The following BICD1 variants were observed in gnomAD, a reference collection of about 807,000 sequenced individuals.
The protein encoded by BICD1 is BICD cargo adaptor 1.
A neutral mutation model predicts 92.5 loss-of-function variants in BICD1; 35 were observed. That is an observed-to-expected ratio of 0.38 (90% CI 0.29 to 0.50). BICD1 has a LOEUF of 0.50. Ranked by LOEUF, BICD1 falls within the 20% of genes least tolerant of loss-of-function variation. BICD1 has a pLI of 0.93. For missense variants in BICD1, 950 were observed against 1,189.8 expected (o/e 0.80, Z 2.97); for synonymous variants, 429 against 465.1 (o/e 0.92, Z 1.00).
At chr12:32,280,130 A>G (rs1165218149) in intron 2 of BICD1, among the ~76,000 whole-genome samples, 3 of 151,958 alleles carry the variant, frequency 2.0e-5, no homozygotes, top group Admixed American at 6.6e-5. Context: ...ATAAAGTGAA[A>G]ATTATGCAGT....
At chr12:32,236,825 T>C (rs1946085627) in intron 2 of BICD1, among the ~76,000 whole-genome samples, 2 of 149,562 alleles carry the variant, frequency 1.3e-5, no homozygotes, top group African/African-American at 4.9e-5. Flanking sequence ...TGGTTCTAGA[T>C]AGAAGATCAA....
At chr12:32,227,023 G>C (rs941984692) in intron 2 of BICD1, among the ~76,000 whole-genome samples, 11 of 152,202 alleles carry the variant, frequency 7.2e-5, no homozygotes, top group African/African-American at 2.7e-4. Flanking sequence ...ACACAGCTCA[G>C]GAGGTTGAGT....
intron 1 of BICD1, among the ~76,000 whole-genome samples, chr12:32,204,982 G>A (rs1233104794): frequency 6.6e-6 from 1 of 152,172 alleles, no homozygotes; most frequent in South Asian, 2.1e-4. Flanking sequence ...GTATGGAAGA[G>A]GAAATAAGGG....
At chr12:32,189,150 A>G (rs916709091) in intron 1 of BICD1, among the ~76,000 whole-genome samples, 2 of 152,232 alleles carry the variant, frequency 1.3e-5, no homozygotes, top group Non-Finnish European at 2.9e-5. Context: ...AGGAAATTCA[A>G]CAATGGATCT....
In BICD1 at chr12:32,347,687, C is replaced by G. The variant is rs117995416; in HGVS notation, c.2764+8708C>G. Among the ~76,000 whole-genome samples, 306 of 151,472 alleles carry G rather than the reference C, an allele frequency of 2.0e-3. No individual in the cohort carries two copies. In the East Asian group the frequency reaches 0.02, roughly 10 times the overall value. ...GTACCTATATACCCTTTTCATACAT[C>G]TCTTATTTGTTACTAGATCTCCTTG... On this transcript the variant is annotated intron_variant, in intron 8 of 9. Transcript: ENST00000652176.
Position 32,335,611 on chromosome 12 carries a change from C to T in BICD1, c.2252+944C>T, listed in dbSNP as rs185638126. On this transcript the variant is annotated intron_variant, in intron 6 of 9. Transcript: ENST00000652176. ...TTTTTTTTTTTTTGAGATAGGGTCT[C>T]ACTCTGTCACCCAGGCTGAAGTGCA... Among the ~76,000 whole-genome samples, 653 of 140,044 alleles carry T rather than the reference C, an allele frequency of 4.7e-3. 8 individuals are homozygous for T. The highest frequency in any genetic ancestry group is 7.7e-3 in the Non-Finnish European group (508 of 65,752). The allele number at this position is 140,044 out of a possible 152,430, so 91.9% of individuals were successfully genotyped here.
intron 1 of BICD1, among the ~76,000 whole-genome samples, chr12:32,141,720 C>T (rs1942926664): frequency 6.6e-6 from 1 of 152,126 alleles, no homozygotes; most frequent in South Asian, 2.1e-4. Context: ...ATGATCCATC[C>T]GCCTCAGCCT....
rs185395549 is a variant in BICD1, at chr12:32,331,432, A to T, written c.2100+2877A>T. On this transcript the variant is annotated intron_variant, in intron 5 of 9. Coordinates refer to ENST00000652176, the MANE Select transcript of BICD1 (RefSeq NM_001714.4). ...TTATTTTCACTGTGCTTTGTGGTAC[A>T]GGTTGAGTATCCCTTTTCCGAAATG... 6.7e-4 allele frequency among the ~76,000 whole-genome samples: 102 copies of T among 152,328 alleles called. 1 individual carries two copies. The East Asian group carries it at 0.017, about 26-fold the overall frequency.
intron 1 of BICD1, chr12:32,108,921 T>C: frequency 2.3e-6 from 1 of 441,086 alleles, no homozygotes; most frequent in Non-Finnish European, 4.1e-6. Context: ...TAGGCTGACA[T>C]GTTTAAATGC....
chr12:32,277,352 C>T (rs1360191416), intron 2 of BICD1, among the ~76,000 whole-genome samples: 1 of 152,152 alleles, frequency 6.6e-6, no homozygotes, highest in Non-Finnish European at 1.5e-5. Context: ...TGAGATCATG[C>T]CACTGCACTC....
Position 32,246,029 on chromosome 12 carries a change from C to CAAAA in BICD1, c.426+29592_426+29595dup, listed in dbSNP as rs71068311. On this transcript the variant is annotated intron_variant, in intron 2 of 9. Coordinates refer to ENST00000652176, the MANE Select transcript of BICD1 (RefSeq NM_001714.4). ...TGGGTGATAGAATGATACTCTGTCT[C>CAAAA]AAAAAAAAAAAAAAAAAAAAAAAAA... Among the ~76,000 whole-genome samples, 239 of 44,028 alleles carry CAAAA rather than the reference C, an allele frequency of 5.4e-3. 5 individuals carry two copies. Among genetic ancestry groups the CAAAA allele is most frequent in the East Asian group, 0.023 (24 of 1,024 alleles). The allele number at this position is 44,028 out of a possible 152,430, so 28.9% of individuals were successfully genotyped here. A position where few individuals can be genotyped will look rare whatever the true frequency, so the allele number is the denominator to read the frequency against.
At chr12:32,119,363 T>C (rs542489345) in intron 1 of BICD1, among the ~76,000 whole-genome samples, 1 of 152,326 alleles carries the variant, frequency 6.6e-6, no homozygotes, top group South Asian at 2.1e-4. Context: ...CTAGTGACTT[T>C]CAATACAGAC....
intron 1 of BICD1, among the ~76,000 whole-genome samples, chr12:32,183,046 T>G (rs1440682732): frequency 6.6e-6 from 1 of 151,516 alleles, no homozygotes; most frequent in South Asian, 2.1e-4. Flanking sequence ...TGTGCACCAG[T>G]GCACTCAGCT....
At chr12:32,305,648 A>T in intron 3 of BICD1, 49 bp from the exon 4 acceptor site, 2 of 1,520,702 alleles carry the variant, frequency 1.3e-6, no homozygotes, top group Non-Finnish European at 1.8e-6. Flanking sequence ...GCAGTTTTGT[A>T]AGATCCACAT....
intron 6 of BICD1, among the ~76,000 whole-genome samples, chr12:32,335,445 C>T (rs951415620): frequency 6.6e-6 from 1 of 151,916 alleles, no homozygotes; most frequent in Non-Finnish European, 1.5e-5. Context: ...CCACCGCGCC[C>T]GGCTGTATTT....
At chr12:32,219,768 C>T (rs1945460074) in intron 2 of BICD1, among the ~76,000 whole-genome samples, 1 of 152,124 alleles carries the variant, frequency 6.6e-6, no homozygotes, top group Admixed American at 6.5e-5. Flanking sequence ...CTAATTCTCA[C>T]TTTTAAACGT....
chr12:32,293,605 C>A (rs560209055), intron 2 of BICD1, among the ~76,000 whole-genome samples: 139 of 152,126 alleles, frequency 9.1e-4, no homozygotes, highest in African/African-American at 3.3e-3. Flanking sequence ...GCTGGGATTA[C>A]AGGTGTGAGC....
At chr12:32,334,816 G>T in intron 6 of BICD1, 149 bp downstream of exon 6, 1 of 812,740 alleles carries the variant, frequency 1.2e-6, no homozygotes, top group Non-Finnish European at 1.8e-6. Flanking sequence ...CCACTCTGAC[G>T]TATCTAAAAG....
At chr12:32,235,509 T>C (rs1184544144) in intron 2 of BICD1, among the ~76,000 whole-genome samples, 1 of 152,012 alleles carries the variant, frequency 6.6e-6, no homozygotes, top group Non-Finnish European at 1.5e-5. Context: ...AACACAGGCA[T>C]ACTGTGTCTT....
Sources: allele counts gnomAD v4.1 joint callset (sites outside exome capture counted in the v4.1 genomes callset), GRCh38; gene constraint gnomAD v4.1.1; transcripts MANE v1.5; gene names NCBI Gene and HGNC (gene_info 2026-07-23, HGNC 2026-07-21).